The following B3GALNT2 variants were observed in gnomAD, a reference collection of about 807,000 sequenced individuals.
B3GALNT2 encodes beta-1,3-N-acetylgalactosaminyltransferase 2.
In B3GALNT2, 53 loss-of-function variants were observed where a neutral mutation model predicts 61.1. The observed-to-expected ratio is 0.87, with a 90% CI of 0.70 to 1.09. B3GALNT2 has a LOEUF of 1.09. Ranked by LOEUF, B3GALNT2 falls within the 50% of genes least tolerant of loss-of-function variation. The pLI is 0.00. For missense variants in B3GALNT2, 544 were observed against 623.0 expected, an observed-to-expected ratio of 0.87 and a Z score of 1.35; for synonymous variants, 223 against 237.4, an observed-to-expected ratio of 0.94 and a Z score of 0.56.
At position 235,483,845 on chromosome 1, in the gene B3GALNT2, CAT is replaced by C. The variant is rs1302690191; in HGVS notation, c.555+475_555+476del. ...TCTGTGAACAAATCAGATTTCCCTA[CAT>C]ATCGGGAATAGAGAAACCTCACTGG... On this transcript the variant is annotated intron_variant, in intron 4 of 11. Coordinates refer to ENST00000366600, the MANE Select transcript of B3GALNT2 (RefSeq NM_152490.5). Among the ~76,000 whole-genome samples the C allele has an allele frequency of 2.6e-5, 4 of 152,334 alleles. No homozygotes were observed. In the East Asian group the frequency reaches 7.7e-4, roughly 29 times the overall value.
chr1:235,450,148 T>C lies in B3GALNT2; in HGVS notation c.*58A>G. On this transcript the variant is annotated 3_prime_UTR_variant, in exon 12 of 12. Transcript: ENST00000366600. Reference sequence around the variant, plus strand: ...GCTAAACCCTGGGACTCCTCAGACTTGCACTCAGATTATCGTTTGCCTGCC... The same window carrying C: ...GCTAAACCCTGGGACTCCTCAGACTCGCACTCAGATTATCGTTTGCCTGCC... The C allele has an allele frequency of 6.3e-7, 1 of 1,598,772 alleles. No individual in the cohort carries two copies. The highest frequency in any genetic ancestry group is 2.2e-5 in the East Asian group (1 of 44,786).
chr1:235,479,536 T>C (rs888507405), intron 5 of B3GALNT2: 3 of 154,072 alleles, frequency 1.9e-5, no homozygotes, highest in African/African-American at 7.2e-5. Flanking sequence ...TATCTAGTTA[T>C]GACTGGACCT....
In B3GALNT2 at chr1:235,449,216, T is replaced by C; in HGVS notation, c.*990A>G. 1 of 215,946 alleles carries C rather than the reference T, an allele frequency of 4.6e-6. No individual in the cohort carries two copies. The highest frequency in any genetic ancestry group is 1.2e-4 in the East Asian group (1 of 8,332). 13.4% of individuals were successfully genotyped at this position (215,946 alleles called of 1,614,324 possible). ...TTGGGGAGACATCCTCTACTATGTA[T>C]AACAATATGCTATTATCTGTCTTCT... On this transcript the variant is annotated 3_prime_UTR_variant, in exon 12 of 12. Coordinates refer to ENST00000366600, the MANE Select transcript of B3GALNT2 (RefSeq NM_152490.5).
At chr1:235,474,967 ATATATATATATATATATATATTTTTTT>A (rs1374985164) in intron 5 of B3GALNT2, among the ~76,000 whole-genome samples, 1 of 25,428 alleles carries the variant, frequency 3.9e-5, no homozygotes, top group African/African-American at 2.3e-4. Context: ...ATATATATAT[ATATATATATATATATATATATTTTTTT>A]TTTTTTTTTT....
chr1:235,458,869 T>C (rs942815747), intron 7 of B3GALNT2, 83 bp from the exon 8 acceptor site: 1 of 1,250,264 alleles, frequency 8.0e-7, no homozygotes. Context: ...TAAAGTTCTT[T>C]TCCCAAGGTA....
rs944671621 is a variant in B3GALNT2 at position 235,448,884 on chromosome 1, A to G, written c.*1322T>C. 4.6e-5 allele frequency: 35 copies of G among 754,762 alleles called. No homozygotes were observed. The highest frequency in any genetic ancestry group is 7.3e-5 in the Non-Finnish European group (32 of 435,438). 46.8% of individuals were successfully genotyped at this position (754,762 alleles called of 1,614,324 possible). On this transcript the variant is annotated 3_prime_UTR_variant, in exon 12 of 12. Transcript: ENST00000366600. The stretch of plus-strand genomic sequence containing the variant: ...AGGGGGTTTACAACTTGTCCTAAGT[A>G]TAACAAGGGATGTATTTTTTGTTGG...
chr1:235,454,840 G>C (rs1239587593), intron 9 of B3GALNT2, among the ~76,000 whole-genome samples: 2 of 152,164 alleles, frequency 1.3e-5, no homozygotes, highest in African/African-American at 4.8e-5. Context: ...TGCATTTGTA[G>C]AGTTTCTGAA....
In B3GALNT2 at chr1:235,448,220, C is replaced by CA. The variant is rs59405398; in HGVS notation, c.*1985dup. On this transcript the variant is annotated 3_prime_UTR_variant, in exon 12 of 12. Coordinates refer to ENST00000366600, the MANE Select transcript of B3GALNT2 (RefSeq NM_152490.5). Reference sequence around the variant, plus strand: ...CTTAAGTAAGTAAGTAAGTCAGTCTCAAAAAAAAAAAAAAAAAAAAGACAG... The same window carrying CA: ...CTTAAGTAAGTAAGTAAGTCAGTCTCAAAAAAAAAAAAAAAAAAAAAGACAG... The CA allele has an allele frequency of 0.091, 47,054 of 515,056 alleles. 78 individuals are homozygous for CA. The highest frequency in any genetic ancestry group is 0.11 in the East Asian group (3,131 of 29,018). 31.9% of individuals were successfully genotyped at this position (515,056 alleles called of 1,614,324 possible).
chr1:235,483,532 G>C (rs1176691264), intron 4 of B3GALNT2, among the ~76,000 whole-genome samples: 1 of 152,122 alleles, frequency 6.6e-6, no homozygotes, highest in Non-Finnish European at 1.5e-5. Context: ...AGCACTCTGG[G>C]AGGCCGAGAA....
At chr1:235,460,242 G>A (rs1683357701) in intron 7 of B3GALNT2, among the ~76,000 whole-genome samples, 1 of 151,782 alleles carries the variant, frequency 6.6e-6, no homozygotes, top group Non-Finnish European at 1.5e-5. Context: ...CCTCCCTCAT[G>A]AGTAGCTGGG....
At chr1:235,439,962 T>C in the B3GALNT2 span, among the ~76,000 whole-genome samples, 1 of 146,230 alleles carries the variant, frequency 6.8e-6, no homozygotes, top group Non-Finnish European at 1.5e-5. Context: ...CCACCATGCC[T>C]GGCTAATTTT....
intron 8 of B3GALNT2, among the ~76,000 whole-genome samples, 171 bp from the exon 9 acceptor site, chr1:235,455,855 C>A (rs1683145496): frequency 1.3e-5 from 2 of 152,136 alleles, no homozygotes; most frequent in Non-Finnish European, 2.9e-5. Flanking sequence ...TCAACTAAGG[C>A]CATCACTTGG....
chr1:235,458,827 T>C (rs1683287627), intron 7 of B3GALNT2, 41 bp from the exon 8 acceptor site: 2 of 1,507,218 alleles, frequency 1.3e-6, no homozygotes, highest in African/African-American at 1.4e-5. Context: ...AATGCTGTTG[T>C]AAAGTTACCA....
At chr1:235,469,715 G>A (rs1189438888) in intron 6 of B3GALNT2, among the ~76,000 whole-genome samples, 1 of 147,566 alleles carries the variant, frequency 6.8e-6, no homozygotes, top group African/African-American at 2.6e-5. Context: ...ACCAGGCCCA[G>A]CTAATTTTTT....
rs1429563690 is a variant in B3GALNT2 at position 235,504,378 on chromosome 1, G to C, written c.-126C>G. On this transcript the variant is annotated 5_prime_UTR_variant, in exon 1 of 12. Coordinates refer to ENST00000366600, the MANE Select transcript of B3GALNT2 (RefSeq NM_152490.5). ...TCCGAGCACGCCCGCCCTCGCGCTC[G>C]GCGACGTCTGGGGGGCTCCTCGCAG... 1.8e-6 allele frequency: 2 copies of C among 1,091,718 alleles called. No homozygotes were observed. Among genetic ancestry groups the C allele is most frequent in the South Asian group, 1.8e-5 (1 of 57,010 alleles). 67.6% of individuals were successfully genotyped at this position (1,091,718 alleles called of 1,614,324 possible). A position where few individuals can be genotyped will look rare whatever the true frequency, so the allele number is the denominator to read the frequency against.
Position 235,489,122 on chromosome 1 carries a change from T to G in B3GALNT2, c.361+46A>C, listed in dbSNP as rs1553352434. ...TACTATTAAGCTTAGCAACTTTTAC[T>G]CAACATCAAGCTTGTGTATGGCAGT... On this transcript the variant is annotated intron_variant, in intron 3 of 11. Transcript: ENST00000366600. 19 of 1,599,612 alleles carry G rather than the reference T, an allele frequency of 1.2e-5. No homozygotes were observed. The South Asian group carries it at 2.0e-4, about 17-fold the overall frequency.
chr1:235,464,735 A>G (rs536062560), intron 7 of B3GALNT2: 4 of 152,330 alleles, frequency 2.6e-5, no homozygotes, highest in South Asian at 4.1e-4. Context: ...AGCCTGGGCA[A>G]CAGAGTGAGG....
intron 5 of B3GALNT2, among the ~76,000 whole-genome samples, chr1:235,474,975 ATATATATATATATTTT>A (rs1684188947): frequency 3.6e-5 from 1 of 28,146 alleles, no homozygotes; most frequent in Non-Finnish European, 5.7e-5. Flanking sequence ...ATATATATAT[ATATATATATATATTTT>A]TTTTTTTTTT....
At chr1:235,495,549 A>T (rs1349333163) in intron 1 of B3GALNT2, among the ~76,000 whole-genome samples, 1 of 151,844 alleles carries the variant, frequency 6.6e-6, no homozygotes, top group Non-Finnish European at 1.5e-5. Flanking sequence ...AAAAAAAAAA[A>T]AAATAATAAT....
Sources: allele counts gnomAD v4.1 joint callset (sites outside exome capture counted in the v4.1 genomes callset), GRCh38; gene constraint gnomAD v4.1.1; transcripts MANE v1.5; gene names NCBI Gene and HGNC (gene_info 2026-07-23, HGNC 2026-07-21).